The following OSMR variants were observed in gnomAD, a reference collection of about 807,000 sequenced individuals.
OSMR encodes oncostatin-M-specific receptor subunit beta.
In OSMR, 81 loss-of-function variants were observed where a neutral mutation model predicts 99.9. The ratio of observed to expected loss-of-function variants is 0.81; its 90% CI spans 0.68 to 0.97. OSMR has a LOEUF of 0.97. Ranked by LOEUF, OSMR falls within the 50% of genes least tolerant of loss-of-function variation. The pLI is 0.00. For missense variants in OSMR, 1,099 were observed against 1,153.4 expected, an observed-to-expected ratio of 0.95 and a Z score of 0.68; for synonymous variants, 406 against 410.4, an observed-to-expected ratio of 0.99 and a Z score of 0.13.
intron 1 of OSMR, chr5:38,941,849 G>A (rs944056527): frequency 8.6e-6 from 2 of 233,330 alleles, no homozygotes; most frequent in Non-Finnish European, 1.7e-5. Context: ...GTAATAGGAT[G>A]CAGCCTTAGA....
intron 1 of OSMR, among the ~76,000 whole-genome samples, chr5:38,857,189 C>T (rs1355498910): frequency 2.6e-5 from 4 of 152,120 alleles, no homozygotes; most frequent in African/African-American, 9.7e-5. Context: ...ATTTTAGAAA[C>T]ATTTTAAGTA....
intron 7 of OSMR, among the ~76,000 whole-genome samples, chr5:38,897,586 A>G (rs1035736439): frequency 6.6e-6 from 1 of 151,870 alleles, no homozygotes; most frequent in African/African-American, 2.4e-5. Flanking sequence ...ATCTTTTCAA[A>G]GAACCAGTTG....
At chr5:38,848,219 C>G (rs1002117181) in intron 1 of OSMR, among the ~76,000 whole-genome samples, 1 of 152,084 alleles carries the variant, frequency 6.6e-6, no homozygotes, top group Non-Finnish European at 1.5e-5. Context: ...CCTCCTTTCG[C>G]TGGGGGAGAA....
chr5:38,863,192 A>AGAGGAG (rs1478079068), intron 1 of OSMR, among the ~76,000 whole-genome samples: 22 of 7,726 alleles, frequency 2.8e-3, no homozygotes, highest in South Asian at 4.9e-3. Flanking sequence ...AGGGAGAGGG[A>AGAGGAG]GAGGGGGAGG....
chr5:38,888,238 C>A (rs1301621993), intron 7 of OSMR, among the ~76,000 whole-genome samples: 1 of 152,154 alleles, frequency 6.6e-6, no homozygotes, highest in Non-Finnish European at 1.5e-5. Flanking sequence ...GCCCTCCCGC[C>A]CTAGCCTTTT....
intron 7 of OSMR, among the ~76,000 whole-genome samples, chr5:38,889,821 T>C (rs2112437348): frequency 6.6e-6 from 1 of 152,328 alleles, no homozygotes; most frequent in South Asian, 2.1e-4. Context: ...CACTGTAATT[T>C]TTATTACCTG....
At chr5:38,919,874 T>C (rs993106515) in intron 11 of OSMR, among the ~76,000 whole-genome samples, 1 of 152,222 alleles carries the variant, frequency 6.6e-6, no homozygotes, top group Non-Finnish European at 1.5e-5. Flanking sequence ...GTTTTATTTT[T>C]ATGTTTTTAA....
At chr5:38,855,884 T>A (rs1011958455) in intron 1 of OSMR, among the ~76,000 whole-genome samples, 2 of 152,104 alleles carry the variant, frequency 1.3e-5, no homozygotes, top group African/African-American at 4.8e-5. Context: ...CCCAGTTTCT[T>A]CCCATATTTT....
chr5:38,910,339 T>C (rs189445446), intron 9 of OSMR, among the ~76,000 whole-genome samples: 3 of 152,228 alleles, frequency 2.0e-5, no homozygotes, highest in East Asian at 1.9e-4. Context: ...CTAACAAAGA[T>C]AGTAAGGACC....
intron 2 of OSMR, among the ~76,000 whole-genome samples, chr5:38,874,401 G>C (rs142806770): frequency 6.6e-5 from 10 of 152,078 alleles, no homozygotes; most frequent in Non-Finnish European, 8.8e-5. Flanking sequence ...AGCCATTGTG[G>C]CTCCCTTTCC....
intron 7 of OSMR, among the ~76,000 whole-genome samples, chr5:38,898,874 A>G (rs1272284986): frequency 1.3e-5 from 2 of 151,840 alleles, no homozygotes; most frequent in African/African-American, 4.8e-5. Context: ...TTACATAAAC[A>G]AACAGGCAAA....
chr5:38,849,345 A>G (rs751442285), intron 1 of OSMR, among the ~76,000 whole-genome samples: 7 of 152,208 alleles, frequency 4.6e-5, no homozygotes, highest in Non-Finnish European at 7.3e-5. Context: ...ATCCAATAGC[A>G]TTTATTTAAT....
chr5:38,864,522 A>G (rs1250857736), intron 1 of OSMR, among the ~76,000 whole-genome samples: 2 of 142,396 alleles, frequency 1.4e-5, no homozygotes, highest in African/African-American at 2.6e-5. Flanking sequence ...TTTGCTGAAT[A>G]TAGTATTCTT....
chr5:38,854,859 T>A (rs777819760), intron 1 of OSMR, among the ~76,000 whole-genome samples: 2 of 151,840 alleles, frequency 1.3e-5, no homozygotes, highest in African/African-American at 4.8e-5. Flanking sequence ...GGGGATGAAG[T>A]AGGAAGTATT....
At chr5:38,943,021 A>C (rs778421469) in intron 1 of OSMR, 3 of 1,393,724 alleles carry the variant, frequency 2.2e-6, no homozygotes, top group Admixed American at 3.4e-5. Flanking sequence ...TGATGTATCT[A>C]TTTTTCCTCC....
At chr5:38,928,284 C>T (rs62352640) in intron 15 of OSMR, among the ~76,000 whole-genome samples, 7,536 of 152,176 alleles carry the variant, frequency 0.05, 229 homozygotes, top group South Asian at 0.071. Flanking sequence ...TCCACATTTT[C>T]GGGTATCCTT....
chr5:38,891,580 G>A (rs1314382125), intron 7 of OSMR, among the ~76,000 whole-genome samples: 1 of 152,146 alleles, frequency 6.6e-6, no homozygotes, highest in Non-Finnish European at 1.5e-5. Flanking sequence ...ACAAGTGAGA[G>A]TTTTGGGGGA....
intron 2 of OSMR, among the ~76,000 whole-genome samples, chr5:38,873,042 CA>C (rs1306416463): frequency 6.6e-6 from 1 of 152,166 alleles, no homozygotes; most frequent in Non-Finnish European, 1.5e-5. Context: ...AATTCAGTTC[CA>C]AAACATTTTC....
intron 7 of OSMR, chr5:38,903,646 A>T: frequency 2.4e-6 from 1 of 408,272 alleles, no homozygotes; most frequent in Non-Finnish European, 3.3e-6. Context: ...GTTTAATTTT[A>T]AGAGTCCTCA....
Sources: allele counts gnomAD v4.1 joint callset (sites outside exome capture counted in the v4.1 genomes callset), GRCh38; gene constraint gnomAD v4.1.1; transcripts MANE v1.5; gene names NCBI Gene and HGNC (gene_info 2026-07-23, HGNC 2026-07-21).